Variants in FRMD3 observed in about 807,000 individuals in gnomAD.
FRMD3 encodes FERM domain-containing protein 3.
Under a neutral mutation model 70.2 loss-of-function variants are expected in FRMD3, and 33 were observed. The observed-to-expected ratio is 0.47, with a 90% confidence interval of 0.36 to 0.63. The LOEUF is 0.63. Ranked by LOEUF, FRMD3 falls within the 20% of genes least tolerant of loss-of-function variation. The probability of loss-of-function intolerance (pLI) is 0.00; values close to 1 mark genes in which losing one functional copy is unlikely to be tolerated. For missense variants in FRMD3, 632 were observed against 711.4 expected (o/e 0.89, Z 1.27); for synonymous variants, 279 against 255.9 (o/e 1.09, Z -0.86).
chr9:83,300,215 C>T (rs1044234661), intron 10 of FRMD3, among the ~76,000 whole-genome samples: 3 of 152,186 alleles, frequency 2.0e-5, no homozygotes, highest in African/African-American at 4.8e-5. Flanking sequence ...CTGCTCTACA[C>T]ACCAAGGTAA....
At chr9:83,548,840 CTCTT>C in the FRMD3 span, among the ~76,000 whole-genome samples, 1 of 150,622 alleles carries the variant, frequency 6.6e-6, no homozygotes, top group African/African-American at 2.5e-5. Flanking sequence ...TATCTGGAAA[CTCTT>C]TGTACATTCT....
At chr9:83,560,915 A>G in the FRMD3 span, among the ~76,000 whole-genome samples, 6 of 152,240 alleles carry the variant, frequency 3.9e-5, no homozygotes, top group Non-Finnish European at 8.8e-5. Flanking sequence ...AGATGACTGC[A>G]GACCTAACTG....
intron 10 of FRMD3, among the ~76,000 whole-genome samples, chr9:83,301,846 A>G (rs1834940338): frequency 6.6e-6 from 1 of 152,254 alleles, no homozygotes; most frequent in African/African-American, 2.4e-5. Flanking sequence ...GATGGCCAGT[A>G]GCTGTATGCT....
At chr9:83,422,471 C>T (rs767430966) in intron 1 of FRMD3, among the ~76,000 whole-genome samples, 3 of 152,154 alleles carry the variant, frequency 2.0e-5, no homozygotes, top group South Asian at 2.1e-4. Flanking sequence ...TGACAAGCTC[C>T]GCTATACCTG....
intron 5 of FRMD3, among the ~76,000 whole-genome samples, chr9:83,336,813 G>A (rs1823596854): frequency 6.6e-6 from 1 of 151,188 alleles, no homozygotes; most frequent in Non-Finnish European, 1.5e-5. Context: ...CCTACACCAA[G>A]GGTTAAACAG....
At position 83,349,768 on chromosome 9, in the gene FRMD3, A is replaced by G. The variant is rs749467030; in HGVS notation, c.296-11T>C. ...TGTATGGTGGATGAGCTGAAACATC[A>G]TAAAGAAAAGGCATGAGAAAAGCAG... On this transcript the variant is annotated splice_polypyrimidine_tract_variant and intron_variant, in intron 3 of 13. Transcript: ENST00000304195. 1 of 1,600,938 alleles carries G rather than the reference A, an allele frequency of 6.2e-7. No homozygotes were observed.
intron 3 of FRMD3, among the ~76,000 whole-genome samples, chr9:83,364,609 A>T (rs1376929496): frequency 6.6e-6 from 1 of 152,114 alleles, no homozygotes; most frequent in Non-Finnish European, 1.5e-5. Flanking sequence ...CTAGTTCAAA[A>T]GTTTAGCTTT....
chr9:83,495,028 A>T (rs1295350788), intron 1 of FRMD3, among the ~76,000 whole-genome samples: 1 of 145,532 alleles, frequency 6.9e-6, no homozygotes, highest in African/African-American at 2.6e-5. Flanking sequence ...TACCATATGA[A>T]CATTTTTATG....
At chr9:83,427,467 T>C (rs1195060029) in intron 1 of FRMD3, among the ~76,000 whole-genome samples, 1 of 152,230 alleles carries the variant, frequency 6.6e-6, no homozygotes, top group African/African-American at 2.4e-5. Flanking sequence ...TCATTCTTGA[T>C]GTGCTAGTCT....
Position 83,372,970 on chromosome 9 carries a change from A to C in FRMD3, c.253-15T>G. On this transcript the variant is annotated splice_polypyrimidine_tract_variant and intron_variant, in intron 2 of 13. Transcript: ENST00000304195. ...TCAAGCCAGTGCTAGGGAGGAAAAA[A>C]AAAAAAGCAGAGATCAGGGGTCAAA... 6.2e-7 allele frequency: 1 copy of C among 1,610,274 alleles called. No individual in the cohort carries two copies. The highest frequency in any genetic ancestry group is 8.5e-7 in the Non-Finnish European group (1 of 1,178,268).
intron 1 of FRMD3, among the ~76,000 whole-genome samples, chr9:83,438,067 G>T (rs1302518782): frequency 6.6e-6 from 1 of 152,134 alleles, no homozygotes; most frequent in Non-Finnish European, 1.5e-5. Flanking sequence ...GGCTGGAAGT[G>T]CCAGTAAAAG....
chr9:83,446,300 T>C (rs1256176849), intron 1 of FRMD3, among the ~76,000 whole-genome samples: 1 of 152,192 alleles, frequency 6.6e-6, no homozygotes, highest in Non-Finnish European at 1.5e-5. Flanking sequence ...ACAGTCTGCC[T>C]TTGGGTAACC....
intron 1 of FRMD3, among the ~76,000 whole-genome samples, chr9:83,411,714 T>G (rs1226823549): frequency 1.3e-5 from 2 of 152,256 alleles, no homozygotes; most frequent in Non-Finnish European, 2.9e-5. Context: ...ATTTCACTAC[T>G]GTTCACTATT....
chr9:83,416,658 T>C (rs1826450319), intron 1 of FRMD3, among the ~76,000 whole-genome samples: 1 of 152,184 alleles, frequency 6.6e-6, no homozygotes, highest in African/African-American at 2.4e-5. Flanking sequence ...GCCTTAAGTC[T>C]GCCATCCTCT....
At chr9:83,379,723 C>G (rs1825298110) in intron 2 of FRMD3, among the ~76,000 whole-genome samples, 3 of 152,262 alleles carry the variant, frequency 2.0e-5, no homozygotes, top group South Asian at 4.1e-4. Flanking sequence ...TGGAGTCCAC[C>G]ACAGGGTAGA....
At chr9:83,373,255 A>G (rs573994508) in intron 2 of FRMD3, among the ~76,000 whole-genome samples, 3 of 152,326 alleles carry the variant, frequency 2.0e-5, no homozygotes, top group Admixed American at 2.0e-4. Flanking sequence ...ATTGACTCCT[A>G]GGTGATTCTT....
At chr9:83,377,551 C>T (rs930009244) in intron 2 of FRMD3, among the ~76,000 whole-genome samples, 1 of 152,112 alleles carries the variant, frequency 6.6e-6, no homozygotes, top group African/African-American at 2.4e-5. Flanking sequence ...TTAGCACCTT[C>T]CTCTTGGTGC....
At chr9:83,443,336 T>C (rs923231117) in intron 1 of FRMD3, among the ~76,000 whole-genome samples, 2 of 152,144 alleles carry the variant, frequency 1.3e-5, no homozygotes, top group African/African-American at 4.8e-5. Context: ...TACCCCGCCC[T>C]GTATCGAAGT....
chr9:83,583,855 T>C, the FRMD3 span, among the ~76,000 whole-genome samples: 1 of 152,168 alleles, frequency 6.6e-6, no homozygotes, highest in Non-Finnish European at 1.5e-5. Context: ...GTAATCTTCC[T>C]GCCTCTGAAG....
Sources: gnomAD v4.1 joint callset for allele counts (sites outside exome capture counted in the v4.1 genomes callset) on GRCh38, gnomAD v4.1.1 for gene constraint, MANE v1.5 for transcripts, NCBI Gene and HGNC (gene_info 2026-07-23, HGNC 2026-07-21) for gene names.